LMBRD2: variants seen among roughly 807,000 people sequenced by gnomAD.
LMBRD2 encodes the protein LMBR1 domain containing 2.
LMBRD2 carries 55 observed loss-of-function variants against 94.4 expected under a neutral mutation model. That is an observed-to-expected ratio of 0.58 (90% CI 0.47 to 0.73). The LOEUF is 0.73. Among genes scored for constraint, LMBRD2 ranks in the 30% least tolerant of loss-of-function variants. LMBRD2 has a pLI of 0.00. For synonymous variants in LMBRD2, 246 were observed against 272.4 expected, an observed-to-expected ratio of 0.90 and a Z score of 0.95; for missense variants, 640 against 831.9, an observed-to-expected ratio of 0.77 and a Z score of 2.84.
chr5:36,119,835 A>G (rs900690969), intron 9 of LMBRD2, among the ~76,000 whole-genome samples: 3 of 152,170 alleles, frequency 2.0e-5, no homozygotes, highest in Non-Finnish European at 1.5e-5. Context: ...GAATTTTCCC[A>G]AGTTTCTAAC....
At chr5:36,143,513 G>T in intron 1 of LMBRD2, 107 bp from the exon 2 acceptor site, 1 of 460,248 alleles carries the variant, frequency 2.2e-6, no homozygotes, top group Non-Finnish European at 3.8e-6. Flanking sequence ...CAACTCTTTG[G>T]AGAAATGTCA....
intron 5 of LMBRD2, 84 bp from the exon 6 acceptor site, chr5:36,136,603 A>G (rs954694050): frequency 6.2e-6 from 7 of 1,135,364 alleles, no homozygotes; most frequent in Admixed American, 3.8e-5. Context: ...AACACAGGAG[A>G]CACTGTTTCT....
At chr5:36,106,069 CCCAAT>C (rs112730497) in intron 16 of LMBRD2, among the ~76,000 whole-genome samples, 2,201 of 152,024 alleles carry the variant, frequency 0.014, 55 homozygotes, top group African/African-American at 0.051. Flanking sequence ...ATCGCAATTG[CCCAAT>C]ACATGCTAGA....
intron 7 of LMBRD2, among the ~76,000 whole-genome samples, chr5:36,123,355 G>C (rs1001843600): frequency 6.6e-6 from 1 of 152,084 alleles, no homozygotes; most frequent in Non-Finnish European, 1.5e-5. Flanking sequence ...ATAGCACAGA[G>C]AAATAAATAC....
chr5:36,125,897 T>C (rs544436748), intron 6 of LMBRD2, among the ~76,000 whole-genome samples: 2 of 152,238 alleles, frequency 1.3e-5, no homozygotes, highest in African/African-American at 4.8e-5. Flanking sequence ...AGGGAGAGAC[T>C]AGAATATTCC....
intron 3 of LMBRD2, among the ~76,000 whole-genome samples, chr5:36,142,166 C>T (rs970509251): frequency 3.9e-5 from 6 of 152,080 alleles, no homozygotes; most frequent in Admixed American, 3.9e-4. Flanking sequence ...AGTGAAAATA[C>T]ATCCCACGTT....
intron 16 of LMBRD2, among the ~76,000 whole-genome samples, chr5:36,106,929 C>G (rs969768846): frequency 6.6e-6 from 1 of 152,148 alleles, no homozygotes; most frequent in East Asian, 1.9e-4. Flanking sequence ...CATGCCACAA[C>G]GTCCTGCACT....
At chr5:36,140,009 G>A (rs536836145) in intron 4 of LMBRD2, among the ~76,000 whole-genome samples, 15 of 152,340 alleles carry the variant, frequency 9.8e-5, no homozygotes, top group African/African-American at 2.4e-4. Context: ...TGCAGGTGAC[G>A]AGAAGAGAAG....
In LMBRD2 at chr5:36,103,977, C is replaced by A; in HGVS notation, c.*69G>T. On this transcript the variant is annotated 3_prime_UTR_variant, in exon 18 of 18. Transcript: ENST00000296603. ...TGTGTATAGAGGAAATTCTAGGGTA[C>A]ACAGATGTTCATCAAGACTGAACTG... 1 of 1,107,156 alleles carries A rather than the reference C, an allele frequency of 9.0e-7. No individual in the cohort carries two copies. Among genetic ancestry groups the A allele is most frequent in the Non-Finnish European group, 1.4e-6 (1 of 730,056 alleles). 68.6% of individuals were successfully genotyped at this position (1,107,156 alleles called of 1,614,324 possible).
At chr5:36,106,647 T>G (rs1743479428) in intron 16 of LMBRD2, among the ~76,000 whole-genome samples, 1 of 151,818 alleles carries the variant, frequency 6.6e-6, no homozygotes, top group Non-Finnish European at 1.5e-5. Context: ...GTAGCTGGGA[T>G]TACAGGTGCA....
intron 6 of LMBRD2, among the ~76,000 whole-genome samples, chr5:36,130,603 T>A (rs545840778): frequency 1.3e-5 from 2 of 151,966 alleles, no homozygotes; most frequent in East Asian, 3.9e-4. Context: ...TGAATGTAAA[T>A]GAACTAAACT....
Position 36,105,096 on chromosome 5 carries a change from C to G in LMBRD2, c.1999G>C (p.Asp667His), listed in dbSNP as rs770984273. Residue 667 changes from aspartate to histidine, a missense_variant, in exon 17 of 18, where the codon GAT becomes CAT. Asp to His is a moderately conservative substitution (Grantham distance 81). Transcript: ENST00000296603. ...CCTGATTCAGATTCAAGAGGATCAT[C>G]AGTGAATGTTTCTGCATTAAAATCC... is the stretch of plus-strand genomic sequence containing the variant. ...PLDFNAETFT[D>H]DPLESESGRY... The G allele has an allele frequency of 6.2e-7, 1 of 1,612,716 alleles. No homozygotes were observed. The highest frequency in any genetic ancestry group is 8.5e-7 in the Non-Finnish European group (1 of 1,179,102).
chr5:36,134,224 C>T (rs1379754232), intron 6 of LMBRD2, among the ~76,000 whole-genome samples: 3 of 152,040 alleles, frequency 2.0e-5, no homozygotes, highest in Non-Finnish European at 4.4e-5. Context: ...CAGACTCACT[C>T]CTACATTTAA....
intron 1 of LMBRD2, among the ~76,000 whole-genome samples, chr5:36,150,356 A>G (rs1744661888): frequency 6.6e-6 from 1 of 152,206 alleles, no homozygotes; most frequent in African/African-American, 2.4e-5. Context: ...TATCTATGAG[A>G]TCTATATCTG....
In LMBRD2 at chr5:36,142,554, G is replaced by A. The variant is rs1285878457; in HGVS notation, c.220C>T (p.Pro74Ser). ...AATCCTGTAATGTTGCTATTCTCAG[G>A]AGGGCTTGAATTTGCAGCAGCATGC... ...CKHAAANSSP[P>S]ENSNITGLYA... Residue 74 changes from proline (P) to serine (S), a missense_variant, in exon 3 of 18, where the codon CCT (proline) becomes TCT (serine). Pro to Ser is a moderately conservative substitution (Grantham distance 74). Transcript: ENST00000296603. 6.8e-6 allele frequency: 11 copies of A among 1,611,936 alleles called. No individual in the cohort carries two copies. Among genetic ancestry groups the A allele is most frequent in the Non-Finnish European group, 7.6e-6 (9 of 1,178,212 alleles).
intron 7 of LMBRD2, among the ~76,000 whole-genome samples, chr5:36,123,910 C>T (rs1473300253): frequency 4.0e-5 from 6 of 151,702 alleles, no homozygotes; most frequent in African/African-American, 1.5e-4. Flanking sequence ...TGAACATATA[C>T]AATGACATTT....
chr5:36,139,467 G>A (rs1744351358), intron 4 of LMBRD2, among the ~76,000 whole-genome samples: 1 of 152,222 alleles, frequency 6.6e-6, no homozygotes, highest in Non-Finnish European at 1.5e-5. Context: ...CCCCGGTGAA[G>A]CCCCACCTTC....
chr5:36,128,109 T>G (rs1490612744), intron 6 of LMBRD2, among the ~76,000 whole-genome samples: 5 of 152,168 alleles, frequency 3.3e-5, no homozygotes, highest in Non-Finnish European at 7.3e-5. Context: ...CAAGAATCTC[T>G]GCCTGGTGCT....
intron 6 of LMBRD2, among the ~76,000 whole-genome samples, chr5:36,134,159 G>T (rs1579520466): frequency 6.6e-6 from 1 of 151,754 alleles, no homozygotes. Flanking sequence ...ATTCATCATG[G>T]GAATGTTGAA....
Sources: gnomAD v4.1 joint callset for allele counts (sites outside exome capture counted in the v4.1 genomes callset) on GRCh38, gnomAD v4.1.1 for gene constraint, MANE v1.5 for transcripts, NCBI Gene and HGNC (gene_info 2026-07-23, HGNC 2026-07-21) for gene names.